Variants in SLC25A21 observed in about 807,000 individuals in gnomAD.
The protein encoded by SLC25A21 is mitochondrial 2-oxodicarboxylate carrier.
A neutral mutation model predicts 43.8 loss-of-function variants in SLC25A21; 47 were observed. That is an observed-to-expected ratio of 1.07 (90% CI 0.85 to 1.37). SLC25A21 has a LOEUF of 1.37. SLC25A21 is among the 40% of genes most tolerant of loss of function. The pLI is 0.00. For synonymous variants in SLC25A21, 131 were observed against 121.3 expected, an observed-to-expected ratio of 1.08 and a Z score of -0.52; for missense variants, 352 against 350.2, an observed-to-expected ratio of 1.00 and a Z score of -0.04.
intron 3 of SLC25A21, among the ~76,000 whole-genome samples, chr14:36,750,723 C>G (rs1389566835): frequency 1.3e-5 from 2 of 151,886 alleles, no homozygotes; most frequent in African/African-American, 4.8e-5. Context: ...TTAAAAAAAC[C>G]AAAACTACTC....
At chr14:36,776,087 G>T (rs1330843547) in intron 3 of SLC25A21, among the ~76,000 whole-genome samples, 3 of 151,442 alleles carry the variant, frequency 2.0e-5, no homozygotes, top group Admixed American at 6.6e-5. Flanking sequence ...ACTAATTCCA[G>T]TCTATTGGAA....
intron 1 of SLC25A21, among the ~76,000 whole-genome samples, chr14:37,098,786 C>CAGACAGACAGAT (rs1555346899): frequency 5.7e-5 from 8 of 139,212 alleles, no homozygotes; most frequent in Admixed American, 2.8e-4. Flanking sequence ...GACAGACAGA[C>CAGACAGACAGAT]AGATAGATAG....
intron 1 of SLC25A21, among the ~76,000 whole-genome samples, chr14:37,081,668 T>C (rs752762156): frequency 5.3e-5 from 8 of 152,236 alleles, no homozygotes; most frequent in African/African-American, 1.9e-4. Flanking sequence ...TGATAAGATA[T>C]AGTAACAATT....
chr14:36,776,238 C>CTTTTTTTTTTTTTTTTTTTTT (rs35856297), intron 3 of SLC25A21, among the ~76,000 whole-genome samples: 3 of 89,900 alleles, frequency 3.3e-5, no homozygotes, highest in East Asian at 3.7e-4. Flanking sequence ...TTCTTTCTTT[C>CTTTTTTTTTTTTTTTTTTTTT]TTTTTTTTTT....
chr14:36,738,771 T>C (rs1296270422), intron 3 of SLC25A21, among the ~76,000 whole-genome samples: 1 of 152,236 alleles, frequency 6.6e-6, no homozygotes, highest in Non-Finnish European at 1.5e-5. Flanking sequence ...ATTTTAACTG[T>C]CCTATGTAAA....
chr14:36,965,231 C>A (rs1566776589), intron 1 of SLC25A21, among the ~76,000 whole-genome samples: 1 of 152,106 alleles, frequency 6.6e-6, no homozygotes, highest in Non-Finnish European at 1.5e-5. Flanking sequence ...AAGCAAACAA[C>A]ATCACATTTC....
chr14:37,162,210 A>G (rs1963956396), intron 1 of SLC25A21, among the ~76,000 whole-genome samples: 1 of 152,112 alleles, frequency 6.6e-6, no homozygotes. Flanking sequence ...CCCATTTTGT[A>G]GGTTGCCTGT....
At chr14:36,770,234 T>C (rs1886567693) in intron 3 of SLC25A21, among the ~76,000 whole-genome samples, 1 of 152,196 alleles carries the variant, frequency 6.6e-6, no homozygotes, top group Non-Finnish European at 1.5e-5. Context: ...TGGATGCAGC[T>C]GGAGGTCATC....
intron 1 of SLC25A21, among the ~76,000 whole-genome samples, chr14:37,044,949 A>G (rs1253487126): frequency 6.6e-6 from 1 of 152,200 alleles, no homozygotes; most frequent in Non-Finnish European, 1.5e-5. Flanking sequence ...TTCTCTTTTC[A>G]AAATATTTTA....
At chr14:36,978,623 A>G (rs1959937116) in intron 1 of SLC25A21, among the ~76,000 whole-genome samples, 1 of 152,218 alleles carries the variant, frequency 6.6e-6, no homozygotes, top group Non-Finnish European at 1.5e-5. Context: ...ATAGAGTATA[A>G]AATCTAATAT....
chr14:37,053,186 G>C lies in SLC25A21; in HGVS notation c.70+119095C>G, dbSNP rs539475984. The stretch of plus-strand genomic sequence containing the variant: ...CAATGTTTTATATCCTATGAAAATA[G>C]AGTAACATTTAAGATACTAAAGGAA... On this transcript the variant is annotated intron_variant, in intron 1 of 9. Coordinates refer to ENST00000331299, the MANE Select transcript of SLC25A21 (RefSeq NM_030631.4). Among the ~76,000 whole-genome samples, 9 of 152,230 alleles carry C rather than the reference G, an allele frequency of 5.9e-5. No homozygotes were observed. The East Asian group carries it at 1.5e-3, about 26-fold the overall frequency.
chr14:37,128,283 C>A (rs141200227), intron 1 of SLC25A21, among the ~76,000 whole-genome samples: 3 of 152,256 alleles, frequency 2.0e-5, no homozygotes, highest in African/African-American at 7.2e-5. Context: ...AAGGAACCAG[C>A]CCTGCCAACA....
At chr14:36,688,598 C>T (rs1018917028) in intron 7 of SLC25A21, among the ~76,000 whole-genome samples, 2 of 152,258 alleles carry the variant, frequency 1.3e-5, no homozygotes, top group Non-Finnish European at 2.9e-5. Flanking sequence ...CCTACCGCCC[C>T]ACCTCCAGCA....
chr14:36,696,332 G>T (rs1165585946), intron 7 of SLC25A21, among the ~76,000 whole-genome samples: 1 of 152,104 alleles, frequency 6.6e-6, no homozygotes, highest in Non-Finnish European at 1.5e-5. Context: ...GAGGATTTTT[G>T]CATCAATGTT....
intron 1 of SLC25A21, among the ~76,000 whole-genome samples, chr14:37,071,756 C>T (rs1199609956): frequency 6.6e-6 from 1 of 152,220 alleles, no homozygotes; most frequent in African/African-American, 2.4e-5. Flanking sequence ...TTAAACTACT[C>T]TGCATTTTGT....
At chr14:36,743,485 CA>C (rs1200891336) in intron 3 of SLC25A21, among the ~76,000 whole-genome samples, 1 of 151,908 alleles carries the variant, frequency 6.6e-6, no homozygotes, top group Non-Finnish European at 1.5e-5. Flanking sequence ...CCAGGAAAGA[CA>C]ACCCAATCAT....
At chr14:36,880,203 C>A (rs934574494) in intron 1 of SLC25A21, among the ~76,000 whole-genome samples, 2 of 152,066 alleles carry the variant, frequency 1.3e-5, no homozygotes, top group Admixed American at 6.5e-5. Context: ...AGAGAAGGAG[C>A]CTGGTCTTCT....
At chr14:37,032,079 G>A (rs992860469) in intron 1 of SLC25A21, among the ~76,000 whole-genome samples, 1 of 151,860 alleles carries the variant, frequency 6.6e-6, no homozygotes, top group African/African-American at 2.4e-5. Flanking sequence ...TTCATTGTAG[G>A]CCTTCCCCAT....
At chr14:36,894,575 T>C (rs1170130758) in intron 1 of SLC25A21, among the ~76,000 whole-genome samples, 1 of 151,992 alleles carries the variant, frequency 6.6e-6, no homozygotes, top group Non-Finnish European at 1.5e-5. Flanking sequence ...TCCAACACTA[T>C]GTTGAATAGG....
Sources: allele counts gnomAD v4.1 joint callset (sites outside exome capture counted in the v4.1 genomes callset), GRCh38; gene constraint gnomAD v4.1.1; transcripts MANE v1.5; gene names NCBI Gene and HGNC (gene_info 2026-07-23, HGNC 2026-07-21).